The following GSK3B variants were observed in gnomAD, a reference collection of about 807,000 sequenced individuals.
GSK3B encodes glycogen synthase kinase 3 beta, also known as glycogen synthase kinase-3 beta.
In GSK3B, 15 loss-of-function variants were observed where a neutral mutation model predicts 56.4. That is an observed-to-expected ratio of 0.27 (90% confidence interval 0.18 to 0.41). The LOEUF (loss-of-function observed/expected upper bound fraction) is 0.41, where lower values mean the gene tolerates loss of function less well. Ranked by LOEUF, GSK3B falls within the 10% of genes least tolerant of loss-of-function variation. GSK3B has a pLI of 1.00. For synonymous variants in GSK3B, 181 were observed against 188.9 expected (o/e 0.96, Z 0.34); for missense variants, 300 against 513.4 (o/e 0.58, Z 4.02).
chr3:119,835,572 T>C (rs150554988), intron 10 of GSK3B, among the ~76,000 whole-genome samples: 397 of 152,308 alleles, frequency 2.6e-3, no homozygotes, highest in African/African-American at 8.5e-3. Context: ...TAAAACATAA[T>C]GTTATGTGTG....
chr3:119,822,379 G>A lies in GSK3B; in HGVS notation c.*4409C>T, dbSNP rs540938969. The A allele has an allele frequency of 9.4e-6, 2 of 212,004 alleles. No individual in the cohort carries two copies. Among genetic ancestry groups the A allele is most frequent in the South Asian group, 3.7e-4 (2 of 5,340 alleles). 13.1% of individuals were successfully genotyped at this position (212,004 alleles called of 1,614,324 possible). A position where few individuals can be genotyped will look rare whatever the true frequency, so the allele number is the denominator to read the frequency against. On this transcript the variant is annotated 3_prime_UTR_variant, in exon 11 of 11. Transcript: ENST00000264235. ...CACATTTATAAATGCAAATTTTACA[G>A]GCAAGCAGATTTTCATACAACTATC...
At chr3:119,925,055 G>A (rs894253866) in intron 3 of GSK3B, among the ~76,000 whole-genome samples, 7 of 152,314 alleles carry the variant, frequency 4.6e-5, no homozygotes, top group Admixed American at 1.3e-4. Context: ...TTAGCCAGGC[G>A]TGGTGGCTTA....
intron 1 of GSK3B, among the ~76,000 whole-genome samples, chr3:120,058,042 A>G (rs1223648644): frequency 6.6e-6 from 1 of 152,108 alleles, no homozygotes; most frequent in Non-Finnish European, 1.5e-5. Context: ...TGCTTGCTAC[A>G]ACAAAAATAT....
intron 2 of GSK3B, among the ~76,000 whole-genome samples, chr3:119,978,927 G>A (rs978912352): frequency 2.1e-4 from 32 of 152,168 alleles, no homozygotes; most frequent in African/African-American, 6.3e-4. Context: ...TCAGAAAGAC[G>A]ATTCCGGACT....
At chr3:120,001,069 C>T (rs142553690) in intron 2 of GSK3B, among the ~76,000 whole-genome samples, 107 of 151,606 alleles carry the variant, frequency 7.1e-4, no homozygotes, top group Admixed American at 1.6e-3. Context: ...GGACTACAAG[C>T]GCCCGCCACC....
intron 9 of GSK3B, among the ~76,000 whole-genome samples, chr3:119,858,289 T>C (rs892600381): frequency 1.3e-5 from 2 of 152,254 alleles, no homozygotes; most frequent in African/African-American, 2.4e-5. Context: ...CTTCTTCCAA[T>C]AGAAGGCTGT....
chr3:120,083,184 A>G (rs1434234082), intron 1 of GSK3B, among the ~76,000 whole-genome samples: 1 of 152,238 alleles, frequency 6.6e-6, no homozygotes, highest in Admixed American at 6.5e-5. Flanking sequence ...AGGTATATTT[A>G]TCAAACAGTT....
intron 1 of GSK3B, among the ~76,000 whole-genome samples, chr3:120,079,825 A>G (rs1576315199): frequency 6.6e-6 from 1 of 152,214 alleles, no homozygotes; most frequent in East Asian, 1.9e-4. Flanking sequence ...CATAACAAGT[A>G]TTTGCTACTT....
chr3:119,827,300 T>C (rs1294631564), intron 10 of GSK3B, among the ~76,000 whole-genome samples: 1 of 152,184 alleles, frequency 6.6e-6, no homozygotes, highest in Non-Finnish European at 1.5e-5. Context: ...TGGGTCAGTG[T>C]TGATGGGCAG....
chr3:119,901,230 T>G (rs972344237), intron 7 of GSK3B, among the ~76,000 whole-genome samples: 1 of 152,152 alleles, frequency 6.6e-6, no homozygotes, highest in Non-Finnish European at 1.5e-5. Flanking sequence ...AAGGAAGAAT[T>G]TAAAGGAAAA....
intron 1 of GSK3B, among the ~76,000 whole-genome samples, chr3:120,007,686 A>G (rs966104114): frequency 6.6e-6 from 1 of 152,232 alleles, no homozygotes; most frequent in Non-Finnish European, 1.5e-5. Context: ...ATCTCAATAG[A>G]TGCAGAAAAG....
intron 1 of GSK3B, among the ~76,000 whole-genome samples, chr3:120,085,435 T>C (rs1262205767): frequency 6.6e-6 from 1 of 152,206 alleles, no homozygotes; most frequent in Non-Finnish European, 1.5e-5. Context: ...ACTCTTCAGG[T>C]GCTCACACCA....
chr3:119,898,272 GTGC>G (rs993074734), intron 7 of GSK3B, among the ~76,000 whole-genome samples: 7 of 152,124 alleles, frequency 4.6e-5, no homozygotes, highest in African/African-American at 1.7e-4. Flanking sequence ...CACTGAATCT[GTGC>G]TGCTTTCCCA....
chr3:120,069,943 G>A (rs551897634), intron 1 of GSK3B, among the ~76,000 whole-genome samples: 11 of 152,238 alleles, frequency 7.2e-5, no homozygotes, highest in East Asian at 3.9e-4. Context: ...GGCCAGGCGC[G>A]GTGGCTCATG....
At chr3:119,915,676 G>A (rs2056773513) in intron 5 of GSK3B, among the ~76,000 whole-genome samples, 1 of 152,038 alleles carries the variant, frequency 6.6e-6, no homozygotes, top group Non-Finnish European at 1.5e-5. Flanking sequence ...TCAGTTCACA[G>A]AGAGTTGCCT....
At chr3:119,857,707 C>T (rs187483523) in intron 9 of GSK3B, among the ~76,000 whole-genome samples, 3 of 152,262 alleles carry the variant, frequency 2.0e-5, no homozygotes, top group East Asian at 3.9e-4. Flanking sequence ...ACAAATGTTC[C>T]GAATGACATC....
chr3:119,971,603 T>A (rs1483925037), intron 2 of GSK3B, among the ~76,000 whole-genome samples: 1 of 104,444 alleles, frequency 9.6e-6, no homozygotes, highest in Admixed American at 8.6e-5. Flanking sequence ...TTGCAATAAT[T>A]TTTTTTTTTT....
chr3:119,928,992 T>C (rs890441608), intron 3 of GSK3B, among the ~76,000 whole-genome samples: 9 of 152,224 alleles, frequency 5.9e-5, no homozygotes, highest in Admixed American at 5.9e-4. Context: ...TATCTTTTTT[T>C]CTTTAAATCT....
chr3:120,000,918 CTTTTTTTTTTTTTTT>C (rs71156781), intron 2 of GSK3B, among the ~76,000 whole-genome samples: 1 of 91,054 alleles, frequency 1.1e-5, no homozygotes. Context: ...ATGTAATCTC[CTTTTTTTTTTTTTTT>C]TTTTTTTTTG....
Sources: gnomAD v4.1 joint callset for allele counts (sites outside exome capture counted in the v4.1 genomes callset) on GRCh38, gnomAD v4.1.1 for gene constraint, MANE v1.5 for transcripts, NCBI Gene and HGNC (gene_info 2026-07-23, HGNC 2026-07-21) for gene names.